Variants in RYR2 observed in about 807,000 individuals in gnomAD.
RYR2 encodes cardiac muscle ryanodine receptor-calcium release channel.
RYR2 carries 227 observed loss-of-function variants against 601.1 expected under a neutral mutation model. That is an observed-to-expected ratio of 0.38 (90% confidence interval 0.34 to 0.42). The LOEUF (loss-of-function observed/expected upper bound fraction) is 0.42. Among genes scored for constraint, RYR2 ranks in the 10% least tolerant of loss-of-function variants. The pLI, the probability that RYR2 is intolerant of heterozygous loss-of-function variation, is 1.00. For synonymous variants in RYR2, 2,223 were observed against 2,175.1 expected (o/e 1.02, Z -0.61); for missense variants, 4,646 against 6,156.5 (o/e 0.75, Z 8.21).
At chr1:237,424,388 A>G (rs1283082938) in intron 12 of RYR2, among the ~76,000 whole-genome samples, 2 of 152,226 alleles carry the variant, frequency 1.3e-5, no homozygotes, top group African/African-American at 4.8e-5. Flanking sequence ...CTCATTGAAA[A>G]GAAAAAAACG....
chr1:237,480,378 CAAAAAAAAAAAA>C (rs61271895), intron 17 of RYR2, among the ~76,000 whole-genome samples: 2 of 57,698 alleles, frequency 3.5e-5, no homozygotes, highest in African/African-American at 5.1e-5. Context: ...AAGATCATCT[CAAAAAAAAAAAA>C]AAAAAAAAAA....
chr1:237,459,765 T>A (rs1182743754), intron 16 of RYR2, among the ~76,000 whole-genome samples: 1 of 152,128 alleles, frequency 6.6e-6, no homozygotes, highest in Non-Finnish European at 1.5e-5. Flanking sequence ...AAAGTAACAT[T>A]AATAGACTTT....
intron 1 of RYR2, among the ~76,000 whole-genome samples, chr1:237,188,298 C>T (rs1192659383): frequency 2.0e-5 from 3 of 151,286 alleles, no homozygotes; most frequent in African/African-American, 7.3e-5. Context: ...TAGGAAAAGA[C>T]AGCATCTGTT....
chr1:237,661,077 G>A (rs1179818906), intron 56 of RYR2, 130 bp downstream of exon 56: 2 of 873,746 alleles, frequency 2.3e-6, no homozygotes, highest in Non-Finnish European at 3.1e-6. Context: ...AGAAGGGAGA[G>A]AAAAAAGCTA....
At chr1:237,586,361 T>TA (rs1370249128) in intron 29 of RYR2, among the ~76,000 whole-genome samples, 2 of 152,160 alleles carry the variant, frequency 1.3e-5, no homozygotes, top group Non-Finnish European at 2.9e-5. Context: ...TACCTTTTTG[T>TA]ACCATTTAAA....
chr1:237,410,333 G>A (rs1704318905), intron 10 of RYR2, among the ~76,000 whole-genome samples: 1 of 152,166 alleles, frequency 6.6e-6, no homozygotes, highest in African/African-American at 2.4e-5. Flanking sequence ...TCACAATGTA[G>A]ATATGAATTC....
At chr1:237,759,710 GTTTA>G (rs1489546898) in intron 82 of RYR2, 62 bp from the exon 83 acceptor site, 1 of 969,858 alleles carries the variant, frequency 1.0e-6, no homozygotes, top group South Asian at 1.3e-5. Flanking sequence ...TGTTTTGGTT[GTTTA>G]TTTATTTAAC....
chr1:237,729,665 A>T (rs1690508445), intron 76 of RYR2, among the ~76,000 whole-genome samples: 1 of 152,090 alleles, frequency 6.6e-6, no homozygotes, highest in Non-Finnish European at 1.5e-5. Flanking sequence ...CTTCATCATG[A>T]ATTCCACTGA....
chr1:237,333,714 A>ATAATG (rs1283633752), intron 3 of RYR2: 20 of 453,004 alleles, frequency 4.4e-5, no homozygotes, highest in Non-Finnish European at 7.5e-5. Flanking sequence ...CTAGTGCCTT[A>ATAATG]TAATGTCCCC....
In RYR2 at chr1:237,334,482, C is replaced by T. The variant is rs891937589; in HGVS notation, c.273+3500C>T. ...ATATGTTAAAAGAGAGACCTAGATCCAGTATTTATATAATTACATTGACTA... is the reference window on the plus strand; with the variant it reads ...ATATGTTAAAAGAGAGACCTAGATCTAGTATTTATATAATTACATTGACTA... On this transcript the variant is annotated intron_variant, in intron 3 of 104. Transcript: ENST00000366574. Among the ~76,000 whole-genome samples the T allele has an allele frequency of 4.7e-5, 7 of 150,066 alleles. No individual in the cohort carries two copies. In the South Asian group the frequency reaches 1.5e-3, roughly 32 times the overall value.
intron 2 of RYR2, among the ~76,000 whole-genome samples, chr1:237,304,082 C>G (rs1208110179): frequency 6.6e-6 from 1 of 152,132 alleles, no homozygotes; most frequent in Non-Finnish European, 1.5e-5. Flanking sequence ...ATGGGCCCAG[C>G]TTTGCAATAG....
At chr1:237,445,572 T>G in intron 14 of RYR2, 50 bp downstream of exon 14, 1 of 1,602,176 alleles carries the variant, frequency 6.2e-7, no homozygotes, top group Non-Finnish European at 8.5e-7. Context: ...TTTTCATTTC[T>G]TTATTGGATA....
rs56370530 is a variant in RYR2, at chr1:237,107,322, C to G, written c.48+64753C>G. 6.3e-3 allele frequency among the ~76,000 whole-genome samples: 950 copies of G among 151,340 alleles called. 3 individuals are homozygous for G. Among genetic ancestry groups the G allele is most frequent in the Non-Finnish European group, 0.01 (692 of 67,784 alleles). On this transcript the variant is annotated intron_variant, in intron 1 of 104. Transcript: ENST00000366574. ...GGATCACGAGGTCAGGAGATCGAGA[C>G]CATCCTGGCTAACACGGTGAAACCC...
chr1:237,287,775 T>G (rs1691724105), intron 2 of RYR2, among the ~76,000 whole-genome samples: 1 of 152,236 alleles, frequency 6.6e-6, no homozygotes, highest in African/African-American at 2.4e-5. Flanking sequence ...CCTCCTTGAT[T>G]AGCTTAATAA....
chr1:237,074,424 T>G (rs1030517220), intron 1 of RYR2, among the ~76,000 whole-genome samples: 4 of 152,186 alleles, frequency 2.6e-5, no homozygotes, highest in South Asian at 4.1e-4. Context: ...GGATGACTCC[T>G]TGGGAGGAAG....
intron 3 of RYR2, chr1:237,333,580 C>T (rs1049523406): frequency 6.6e-6 from 3 of 455,782 alleles, no homozygotes; most frequent in African/African-American, 6.0e-5. Context: ...TAGATATTTT[C>T]CACTTAACCA....
intron 2 of RYR2, among the ~76,000 whole-genome samples, chr1:237,273,599 A>G (rs1316018077): frequency 6.6e-6 from 1 of 152,188 alleles, no homozygotes; most frequent in Non-Finnish European, 1.5e-5. Context: ...AAGGTTAAGT[A>G]AGTATGACTA....
intron 33 of RYR2, among the ~76,000 whole-genome samples, chr1:237,594,697 G>C (rs1184219050): frequency 6.6e-6 from 1 of 151,784 alleles, no homozygotes; most frequent in Non-Finnish European, 1.5e-5. Context: ...ATTTATCCCA[G>C]CCTTTTTGTT....
intron 26 of RYR2, 112 bp from the exon 27 acceptor site, chr1:237,550,414 GGGAAGACGCATGGATTGT>G (rs1670269741): frequency 1.0e-6 from 1 of 971,822 alleles, no homozygotes; most frequent in Admixed American, 2.6e-5. Flanking sequence ...TTTGCAGCCT[GGGAAGACGCATGGATTGT>G]GGAAGGGTCA....
Sources: gnomAD v4.1 joint callset for allele counts (sites outside exome capture counted in the v4.1 genomes callset) on GRCh38, gnomAD v4.1.1 for gene constraint, MANE v1.5 for transcripts, NCBI Gene and HGNC (gene_info 2026-07-23, HGNC 2026-07-21) for gene names.